Variants in PTCHD4 observed in about 807,000 individuals in gnomAD.
The protein encoded by PTCHD4 is patched domain-containing protein 4.
PTCHD4 carries 33 observed loss-of-function variants against 58.1 expected under a neutral mutation model. That is an observed-to-expected ratio of 0.57 (90% CI 0.43 to 0.76). The LOEUF is 0.76. PTCHD4 is among the 30% of genes least tolerant of loss of function. PTCHD4 has a pLI of 0.00. For missense variants in PTCHD4, 1,058 were observed against 1,027.1 expected (o/e 1.03, Z -0.41); for synonymous variants, 478 against 409.6 (o/e 1.17, Z -2.02).
intron 4 of PTCHD4, among the ~76,000 whole-genome samples, chr6:47,916,474 C>G (rs978355728): frequency 6.6e-6 from 1 of 152,080 alleles, no homozygotes; most frequent in African/African-American, 2.4e-5. Context: ...CAAGAAAAGG[C>G]TCTCTCCCCA....
At chr6:47,944,532 T>G (rs1766346780) in intron 4 of PTCHD4, among the ~76,000 whole-genome samples, 1 of 152,086 alleles carries the variant, frequency 6.6e-6, no homozygotes, top group Admixed American at 6.6e-5. Flanking sequence ...GTTAAAGCTT[T>G]AACAGGGGCT....
At chr6:48,089,655 C>T (rs1055093953) in intron 1 of PTCHD4, among the ~76,000 whole-genome samples, 5 of 152,198 alleles carry the variant, frequency 3.3e-5, no homozygotes, top group African/African-American at 9.7e-5. Flanking sequence ...AAACGTCAAT[C>T]CACTTAATCA....
chr6:47,878,889 T>C lies in PTCHD4; in HGVS notation c.1946A>G (p.His649Arg), dbSNP rs750293424. Residue 649 changes from histidine (H) to arginine (R), a missense_variant, in exon 5 of 5, where the codon CAT (histidine) becomes CGT (arginine). By Grantham distance (29) the His-to-Arg change is conservative. Coordinates refer to ENST00000339488, the MANE Select transcript of PTCHD4 (RefSeq NM_001384253.1). ...AGGCACTGTGACAGACAAGCTGTAA[T>C]GGTCCATGAAGACAAAGGAGGGGTT... ...VFNPSFVFMD[H>R]YSLSVTVPVL... 7 of 1,613,654 alleles carry C rather than the reference T, an allele frequency of 4.3e-6. No homozygotes were observed. Among genetic ancestry groups the C allele is most frequent in the Admixed American group, 1.7e-5 (1 of 59,976 alleles).
chr6:48,096,597 G>A lies in PTCHD4; in HGVS notation c.-970+14452C>T, dbSNP rs974036410. On this transcript the variant is annotated intron_variant, in intron 1 of 4. Coordinates refer to ENST00000339488, the MANE Select transcript of PTCHD4 (RefSeq NM_001384253.1). ...ACTGCACTCCAGCCTGGGCAACAGA[G>A]CAAGACTCTGCCTAAAAAAAAAAAA... is the stretch of plus-strand genomic sequence containing the variant. Among the ~76,000 whole-genome samples, 8 of 138,324 alleles carry A rather than the reference G, an allele frequency of 5.8e-5. No individual in the cohort carries two copies. The East Asian group carries it at 1.7e-3, about 29-fold the overall frequency. The allele number at this position is 138,324 out of a possible 152,430, so 90.7% of individuals were successfully genotyped here. A position where few individuals can be genotyped will look rare whatever the true frequency, so the allele number is the denominator to read the frequency against.
intron 3 of PTCHD4, 73 bp from the exon 4 acceptor site, chr6:48,009,187 A>G: frequency 6.9e-7 from 1 of 1,444,166 alleles, no homozygotes; most frequent in Non-Finnish European, 9.2e-7. Flanking sequence ...CTCTAAGTGA[A>G]GGAGCACAAG....
At chr6:48,011,010 G>A (rs1220301710) in intron 3 of PTCHD4, among the ~76,000 whole-genome samples, 1 of 152,086 alleles carries the variant, frequency 6.6e-6, no homozygotes, top group Non-Finnish European at 1.5e-5. Flanking sequence ...CCAAATCTTT[G>A]CTACTGTGAA....
At position 47,864,456 on chromosome 6, in the gene PTCHD4, C is replaced by A. The variant is rs1221503610; in HGVS notation, c.*13847G>T. On this transcript the variant is annotated 3_prime_UTR_variant, in exon 5 of 5. Transcript: ENST00000339488. ...TGGCACATAGAAGATGTTTAAAATT[C>A]TTCTTGAATGAAAGATTTGGAGAAT... Among the ~76,000 whole-genome samples the A allele has an allele frequency of 6.6e-6, 1 of 151,712 alleles. No individual in the cohort carries two copies.
At chr6:47,945,329 T>C (rs909460392) in intron 4 of PTCHD4, among the ~76,000 whole-genome samples, 2 of 152,132 alleles carry the variant, frequency 1.3e-5, no homozygotes, top group African/African-American at 4.8e-5. Flanking sequence ...ATTACTGGCA[T>C]GTATAACATA....
At chr6:47,984,772 G>A (rs913969616) in intron 4 of PTCHD4, among the ~76,000 whole-genome samples, 3 of 151,948 alleles carry the variant, frequency 2.0e-5, no homozygotes, top group African/African-American at 7.3e-5. Context: ...TTAATTTAAT[G>A]TTCAGGTAAT....
chr6:47,991,359 T>C (rs1055024201), intron 4 of PTCHD4, among the ~76,000 whole-genome samples: 9 of 152,124 alleles, frequency 5.9e-5, no homozygotes, highest in Non-Finnish European at 1.0e-4. Flanking sequence ...AGGAATTTTG[T>C]ACCCAGTAAA....
chr6:47,971,698 T>G (rs1223838341), intron 4 of PTCHD4, among the ~76,000 whole-genome samples: 2 of 152,176 alleles, frequency 1.3e-5, no homozygotes, highest in Non-Finnish European at 2.9e-5. Context: ...GCTTCCTTCC[T>G]CAGAATGCAC....
intron 4 of PTCHD4, among the ~76,000 whole-genome samples, chr6:48,007,337 A>G (rs1762479613): frequency 6.6e-6 from 1 of 152,238 alleles, no homozygotes; most frequent in African/African-American, 2.4e-5. Flanking sequence ...CCCATCATCT[A>G]TCATATAAAC....
rs1434478636 is a variant in PTCHD4 at position 47,897,598 on chromosome 6, C to G, written c.899-17662G>C. On this transcript the variant is annotated intron_variant, in intron 4 of 4. Transcript: ENST00000339488. ...CTCCCTTCAGGTGAAGGAAGAAAAT[C>G]TAGATTTTGGATTTGTTAGGTGGAG... Among the ~76,000 whole-genome samples the G allele has an allele frequency of 2.6e-5, 4 of 152,294 alleles. No homozygotes were observed. In the South Asian group the frequency reaches 8.3e-4, roughly 32 times the overall value.
intron 1 of PTCHD4, among the ~76,000 whole-genome samples, chr6:48,076,944 C>T (rs2210329): frequency 0.17 from 26,017 of 152,030 alleles, 2,402 homozygotes; most frequent in African/African-American, 0.25. Context: ...TTGTTATGGG[C>T]GCATACTATT....
Position 47,878,403 on chromosome 6 carries a change from T to C in PTCHD4, c.2432A>G (p.Lys811Arg), listed in dbSNP as rs1561934519. 6.2e-7 allele frequency: 1 copy of C among 1,613,488 alleles called. No individual in the cohort carries two copies. Among genetic ancestry groups the C allele is most frequent in the Non-Finnish European group, 8.5e-7 (1 of 1,179,658 alleles). Residue 811 changes from lysine (K) to arginine (R), a missense_variant, in exon 5 of 5, where the codon AAA (lysine) becomes AGA (arginine). Transcript: ENST00000339488. Reference protein sequence around the residue: ...PVFLTFFPPSKKHHKKKKRAK... With the variant: ...PVFLTFFPPSRKHHKKKKRAK... Reference sequence around the variant, plus strand: ...ACGTTTCTTTTTCTTGTGGTGCTTTTTGGAAGGGGGGAAAAACGTTAGGAA... The same window carrying C: ...ACGTTTCTTTTTCTTGTGGTGCTTTCTGGAAGGGGGGAAAAACGTTAGGAA...
At chr6:47,901,075 A>C (rs1398938018) in intron 4 of PTCHD4, 1 of 150,808 alleles carries the variant, frequency 6.6e-6, no homozygotes, top group Non-Finnish European at 1.5e-5. Context: ...AATGGCGTGA[A>C]CCTGGGAGGC....
intron 4 of PTCHD4, among the ~76,000 whole-genome samples, chr6:47,935,317 T>C (rs927783409): frequency 1.3e-5 from 2 of 152,236 alleles, no homozygotes; most frequent in African/African-American, 4.8e-5. Flanking sequence ...TAGAGGTGTG[T>C]TCTTATGGTA....
intron 4 of PTCHD4, among the ~76,000 whole-genome samples, chr6:47,884,590 T>C (rs2114109416): frequency 6.6e-6 from 1 of 152,340 alleles, no homozygotes; most frequent in South Asian, 2.1e-4. Context: ...AACTACATTA[T>C]ATTATTTCCC....
At chr6:48,096,786 C>A (rs1301993631) in intron 1 of PTCHD4, among the ~76,000 whole-genome samples, 3 of 152,034 alleles carry the variant, frequency 2.0e-5, no homozygotes, top group Non-Finnish European at 4.4e-5. Context: ...CACAAGAATT[C>A]TTTTGCATTG....
Sources: allele counts gnomAD v4.1 joint callset (sites outside exome capture counted in the v4.1 genomes callset), GRCh38; gene constraint gnomAD v4.1.1; transcripts MANE v1.5; gene names NCBI Gene and HGNC (gene_info 2026-07-23, HGNC 2026-07-21).